The following FARS2 variants were observed in gnomAD, a reference collection of about 807,000 sequenced individuals.
FARS2 encodes phenylalanyl-tRNA synthetase 2, mitochondrial.
Under a neutral mutation model 46.4 loss-of-function variants are expected in FARS2, and 40 were observed. The observed-to-expected ratio is 0.86, with a 90% CI of 0.67 to 1.12. The LOEUF (loss-of-function observed/expected upper bound fraction) is 1.12, where lower values mean the gene tolerates loss of function less well. FARS2 is among the 50% of genes most tolerant of loss of function. FARS2 has a pLI of 0.00. For synonymous variants in FARS2, 234 were observed against 214.9 expected, an observed-to-expected ratio of 1.09 and a Z score of -0.78; for missense variants, 513 against 567.9, an observed-to-expected ratio of 0.90 and a Z score of 0.98.
chr6:5,575,170 A>G (rs1174619971), intron 5 of FARS2, among the ~76,000 whole-genome samples: 3 of 152,220 alleles, frequency 2.0e-5, no homozygotes, highest in Admixed American at 6.5e-5. Context: ...CATTTTAAAC[A>G]GTGAAACCAC....
At chr6:5,369,664 G>A (rs988134603) in intron 2 of FARS2, among the ~76,000 whole-genome samples, 3 of 152,116 alleles carry the variant, frequency 2.0e-5, no homozygotes, top group Admixed American at 6.6e-5. Flanking sequence ...ACTGTGTCTT[G>A]TCCCCAGGCA....
chr6:5,650,029 A>T (rs1056115090), intron 6 of FARS2, among the ~76,000 whole-genome samples: 1 of 152,182 alleles, frequency 6.6e-6, no homozygotes, highest in Non-Finnish European at 1.5e-5. Context: ...AAGCAAGGGA[A>T]AGGGCCCCAC....
At chr6:5,597,611 G>C (rs9378970) in intron 5 of FARS2, among the ~76,000 whole-genome samples, 125,206 of 151,844 alleles carry the variant, frequency 0.82, 51,761 homozygotes, top group African/African-American at 0.88. Flanking sequence ...GGCATTGCAG[G>C]GACCCGCTGT....
chr6:5,476,649 T>C (rs1766140917), intron 4 of FARS2, among the ~76,000 whole-genome samples: 1 of 151,658 alleles, frequency 6.6e-6, no homozygotes, highest in Admixed American at 6.6e-5. Flanking sequence ...TGGGGAGGGG[T>C]TGGAGAGGGC....
At chr6:5,268,151 G>A (rs1403448412) in intron 1 of FARS2, among the ~76,000 whole-genome samples, 2 of 151,922 alleles carry the variant, frequency 1.3e-5, no homozygotes, top group African/African-American at 2.4e-5. Flanking sequence ...CCATTCTGTA[G>A]GTTGCCTGTT....
chr6:5,301,162 C>T (rs1031363919), intron 1 of FARS2, among the ~76,000 whole-genome samples: 1 of 152,008 alleles, frequency 6.6e-6, no homozygotes, highest in Non-Finnish European at 1.5e-5. Flanking sequence ...TTATTATTCT[C>T]TGGTTGTTGA....
chr6:5,643,867 T>C (rs1776945424), intron 6 of FARS2, among the ~76,000 whole-genome samples: 2 of 152,044 alleles, frequency 1.3e-5, no homozygotes, highest in Admixed American at 1.3e-4. Flanking sequence ...GGGGCTAGGG[T>C]CAAGTGTGTG....
At chr6:5,388,857 C>A (rs1465674072) in intron 2 of FARS2, among the ~76,000 whole-genome samples, 1 of 152,032 alleles carries the variant, frequency 6.6e-6, no homozygotes, top group African/African-American at 2.4e-5. Flanking sequence ...CCAGGTGGAA[C>A]TTTGCTCTCT....
At chr6:5,317,177 AC>A (rs2127558140) in intron 1 of FARS2, among the ~76,000 whole-genome samples, 1 of 152,362 alleles carries the variant, frequency 6.6e-6, no homozygotes, top group South Asian at 2.1e-4. Context: ...AACAGTAAAA[AC>A]AGCTAACTCC....
chr6:5,713,952 G>C (rs1159714090), intron 6 of FARS2, among the ~76,000 whole-genome samples: 1 of 152,172 alleles, frequency 6.6e-6, no homozygotes, highest in African/African-American at 2.4e-5. Context: ...TTGTGCAGTT[G>C]ATACATATAG....
intron 1 of FARS2, among the ~76,000 whole-genome samples, chr6:5,278,381 T>C (rs1396504838): frequency 6.6e-6 from 1 of 152,192 alleles, no homozygotes; most frequent in Non-Finnish European, 1.5e-5. Context: ...ATAGGAACGC[T>C]GGTTTTTGGT....
intron 6 of FARS2, among the ~76,000 whole-genome samples, chr6:5,626,842 G>A (rs1008010801): frequency 2.0e-5 from 3 of 152,166 alleles, no homozygotes; most frequent in Admixed American, 6.5e-5. Flanking sequence ...TAAGTATTAT[G>A]GAGTGTACTT....
At chr6:5,395,216 A>G (rs1035920008) in intron 2 of FARS2, among the ~76,000 whole-genome samples, 1 of 151,876 alleles carries the variant, frequency 6.6e-6, no homozygotes, top group African/African-American at 2.4e-5. Flanking sequence ...ACACTGGGCT[A>G]ATTTTTGTAT....
At position 5,277,626 on chromosome 6, in the gene FARS2, A is replaced by G. The variant is rs148732436; in HGVS notation, c.-22+15966A>G. On this transcript the variant is annotated intron_variant, in intron 1 of 6. Transcript: ENST00000274680. Reference sequence around the variant, plus strand: ...CTGTAGGGCATAAAGGGTGCTGGCAATTTCAAAACTAAAATCTGTTTCTGT... The same window carrying G: ...CTGTAGGGCATAAAGGGTGCTGGCAGTTTCAAAACTAAAATCTGTTTCTGT... Among the ~76,000 whole-genome samples the G allele has an allele frequency of 4.2e-3, 644 of 152,314 alleles. 2 individuals are homozygous for G. Among genetic ancestry groups the G allele is most frequent in the African/African-American group, 0.015 (606 of 41,570 alleles).
chr6:5,438,246 G>GC (rs111391099), intron 4 of FARS2, among the ~76,000 whole-genome samples: 1,728 of 35,670 alleles, frequency 0.048, 49 homozygotes, highest in South Asian at 0.14. Flanking sequence ...CCCACCCCCC[G>GC]CCCCCCCCCC....
In FARS2 at chr6:5,419,544, A is replaced by G. The variant is rs559405224; in HGVS notation, c.773-11497A>G. On this transcript the variant is annotated intron_variant, in intron 3 of 6. Transcript: ENST00000274680. ...TCCCCCGTCTCTTACTATTCACCCTATAAGTGGATTTGCAGGTGATTCCAC... is the reference window on the plus strand; with the variant it reads ...TCCCCCGTCTCTTACTATTCACCCTGTAAGTGGATTTGCAGGTGATTCCAC... Among the ~76,000 whole-genome samples, 37 of 152,102 alleles carry G rather than the reference A, an allele frequency of 2.4e-4. No individual in the cohort carries two copies. In the South Asian group the frequency reaches 5.6e-3, roughly 23 times the overall value.
At chr6:5,651,480 A>C (rs9504477) in intron 6 of FARS2, among the ~76,000 whole-genome samples, 4 of 151,984 alleles carry the variant, frequency 2.6e-5, no homozygotes, top group Non-Finnish European at 5.9e-5. Context: ...TGTTTCCACC[A>C]AAACGAGAAG....
intron 1 of FARS2, among the ~76,000 whole-genome samples, chr6:5,362,927 CTT>C (rs55686418): frequency 6.4e-5 from 8 of 124,206 alleles, no homozygotes; most frequent in Admixed American, 1.8e-4. Flanking sequence ...TTCTTTCTTT[CTT>C]TTTTTTTTTT....
At chr6:5,618,713 T>C (rs1358586278) in intron 6 of FARS2, among the ~76,000 whole-genome samples, 1 of 152,236 alleles carries the variant, frequency 6.6e-6, no homozygotes, top group Non-Finnish European at 1.5e-5. Flanking sequence ...TAGAACCTTC[T>C]CCCAGAGGGT....
Sources: allele counts gnomAD v4.1 joint callset (sites outside exome capture counted in the v4.1 genomes callset), GRCh38; gene constraint gnomAD v4.1.1; transcripts MANE v1.5; gene names NCBI Gene and HGNC (gene_info 2026-07-23, HGNC 2026-07-21).